TBC1D32: variants seen among roughly 807,000 people sequenced by gnomAD.
TBC1D32 encodes protein broad-minded.
In TBC1D32, 151 loss-of-function variants were observed where a neutral mutation model predicts 170.3. That is an observed-to-expected ratio of 0.89 (90% confidence interval 0.78 to 1.01). The LOEUF (loss-of-function observed/expected upper bound fraction) is 1.01, where lower values mean the gene tolerates loss of function less well. TBC1D32 is among the 50% of genes least tolerant of loss of function. The pLI is 0.00. For missense variants in TBC1D32, 1,464 were observed against 1,457.1 expected (o/e 1.00, Z -0.08); for synonymous variants, 498 against 488.0 (o/e 1.02, Z -0.27).
intron 31 of TBC1D32, among the ~76,000 whole-genome samples, chr6:121,088,961 C>CT (rs1776529527): frequency 6.6e-6 from 1 of 152,124 alleles, no homozygotes; most frequent in African/African-American, 2.4e-5. Context: ...TTTGCAAACT[C>CT]TATTATAATT....
At chr6:121,133,995 A>G (rs561586532) in intron 24 of TBC1D32, among the ~76,000 whole-genome samples, 1 of 150,928 alleles carries the variant, frequency 6.6e-6, no homozygotes, top group South Asian at 2.1e-4. Context: ...ATTGCTAACA[A>G]AAAAGTTTTA....
chr6:121,183,707 T>C (rs1418015325), intron 22 of TBC1D32, among the ~76,000 whole-genome samples: 4 of 152,048 alleles, frequency 2.6e-5, no homozygotes, highest in Non-Finnish European at 4.4e-5. Context: ...TACAGAAATC[T>C]CTAAAATATA....
At position 121,105,886 on chromosome 6, in the gene TBC1D32, G is replaced by A. The variant is rs933758148; in HGVS notation, c.3465+137C>T. 5.1e-6 allele frequency: 5 copies of A among 973,980 alleles called. No homozygotes were observed. In the African/African-American group the frequency reaches 6.6e-5, roughly 13 times the overall value. 60.3% of individuals were successfully genotyped at this position (973,980 alleles called of 1,614,324 possible). A position where few individuals can be genotyped will look rare whatever the true frequency, so the allele number is the denominator to read the frequency against. On this transcript the variant is annotated intron_variant, in intron 30 of 31. Coordinates refer to ENST00000398212, the MANE Select transcript of TBC1D32 (RefSeq NM_152730.6). ...AGCAAACTTACATCATAACAGGCCT[G>A]GGGAGAAAAGCTAGCTTGAGGATTT...
intron 22 of TBC1D32, among the ~76,000 whole-genome samples, chr6:121,181,624 G>A (rs569690472): frequency 6.6e-6 from 1 of 151,752 alleles, no homozygotes; most frequent in East Asian, 1.9e-4. Flanking sequence ...CCCACTGCTG[G>A]GTATATATGC....
In TBC1D32 at chr6:121,279,085, C is replaced by G. The variant is rs775392418; in HGVS notation, c.1733+36G>C. On this transcript the variant is annotated intron_variant, in intron 15 of 31. Coordinates refer to ENST00000398212, the MANE Select transcript of TBC1D32 (RefSeq NM_152730.6). Reference sequence around the variant, plus strand: ...CAGCTTGTCAGAAAACCAAACTATACCTGGAATAATTATCCGGATTTAAAA... The same window carrying G: ...CAGCTTGTCAGAAAACCAAACTATAGCTGGAATAATTATCCGGATTTAAAA... The G allele has an allele frequency of 2.9e-5, 46 of 1,568,120 alleles. No homozygotes were observed. The Admixed American group carries it at 9.9e-4, about 34-fold the overall frequency.
intron 22 of TBC1D32, among the ~76,000 whole-genome samples, chr6:121,161,711 T>C (rs1583029937): frequency 6.6e-6 from 1 of 152,198 alleles, no homozygotes; most frequent in Admixed American, 6.5e-5. Flanking sequence ...AGTAATGGGA[T>C]TGCTGGGTCA....
chr6:121,130,017 A>G, intron 25 of TBC1D32: 1 of 393,888 alleles, frequency 2.5e-6, no homozygotes, highest in Non-Finnish European at 4.9e-6. Context: ...AGAAATCACA[A>G]AAACATATCC....
intron 29 of TBC1D32, among the ~76,000 whole-genome samples, chr6:121,110,416 A>G (rs966948583): frequency 2.0e-5 from 3 of 151,954 alleles, no homozygotes; most frequent in African/African-American, 7.3e-5. Context: ...AGATAAATAA[A>G]TATTAGGACT....
chr6:121,154,050 A>C (rs1784547840), intron 24 of TBC1D32, among the ~76,000 whole-genome samples: 1 of 151,212 alleles, frequency 6.6e-6, no homozygotes, highest in Non-Finnish European at 1.5e-5. Flanking sequence ...AAAAAAAAAA[A>C]AAAAACCTCC....
At chr6:121,175,729 T>C (rs1787676022) in intron 22 of TBC1D32, among the ~76,000 whole-genome samples, 1 of 152,144 alleles carries the variant, frequency 6.6e-6, no homozygotes, top group Admixed American at 6.6e-5. Context: ...GACAAATCTA[T>C]CTCAATACAA....
chr6:121,143,510 C>T (rs539231932), intron 24 of TBC1D32, among the ~76,000 whole-genome samples: 40 of 152,220 alleles, frequency 2.6e-4, no homozygotes, highest in Middle Eastern at 3.4e-3. Context: ...AGCTGGGAGA[C>T]AAATGAAGAG....
intron 15 of TBC1D32, among the ~76,000 whole-genome samples, chr6:121,262,421 G>A (rs1296377668): frequency 6.6e-6 from 1 of 151,840 alleles, no homozygotes; most frequent in East Asian, 1.9e-4. Context: ...CAGAGTAATA[G>A]CAGATATCTC....
chr6:121,207,757 C>T (rs967694256), intron 21 of TBC1D32, among the ~76,000 whole-genome samples: 1 of 152,146 alleles, frequency 6.6e-6, no homozygotes, highest in African/African-American at 2.4e-5. Flanking sequence ...CAATAACCTA[C>T]TAGGTCAGAC....
At position 121,278,158 on chromosome 6, in the gene TBC1D32, T is replaced by C. The variant is rs150177103; in HGVS notation, c.1733+963A>G. 8.5e-5 allele frequency among the ~76,000 whole-genome samples: 13 copies of C among 152,286 alleles called. No individual in the cohort carries two copies. The East Asian group carries it at 2.1e-3, about 25-fold the overall frequency. ...AGAAAACACCAGGCTAAAATTGGTT[T>C]GCTGGTGAATTTTATAAAATATTTT... On this transcript the variant is annotated intron_variant, in intron 15 of 31. Transcript: ENST00000398212.
chr6:121,223,262 G>A lies in TBC1D32; in HGVS notation c.2455C>T (p.Leu819Phe). 2 of 1,576,962 alleles carry A rather than the reference G, an allele frequency of 1.3e-6. No homozygotes were observed. Among genetic ancestry groups the A allele is most frequent in the Non-Finnish European group, 1.7e-6 (2 of 1,165,304 alleles). The change falls in exon 21 of 32, where the codon CTT (leucine) becomes TTT (phenylalanine). Residue 819 changes from leucine (L) to phenylalanine (F), a missense_variant. By Grantham distance (22) the Leu-to-Phe change is conservative. Coordinates refer to ENST00000398212, the MANE Select transcript of TBC1D32 (RefSeq NM_152730.6). ...QDLPNKTEYS[L>F]REVPTCVIDI... ...ATAACACATGTTGGGACTTCACGAA[G>A]AGAATATTCTGTTTTATTAGGAAGA...
chr6:121,321,371 T>C (rs1437945462), intron 2 of TBC1D32, among the ~76,000 whole-genome samples: 1 of 151,800 alleles, frequency 6.6e-6, no homozygotes, highest in Non-Finnish European at 1.5e-5. Flanking sequence ...AGGGAGAAAA[T>C]GATAAGAAAT....
At chr6:121,209,874 C>T (rs1031434448) in intron 21 of TBC1D32, among the ~76,000 whole-genome samples, 1 of 152,156 alleles carries the variant, frequency 6.6e-6, no homozygotes, top group East Asian at 1.9e-4. Context: ...GTTGTCCGTG[C>T]TTTTTCTGAA....
At chr6:121,305,028 T>C (rs939466689) in intron 5 of TBC1D32, among the ~76,000 whole-genome samples, 195 bp from the exon 6 acceptor site, 3 of 152,044 alleles carry the variant, frequency 2.0e-5, no homozygotes, top group Non-Finnish European at 2.9e-5. Context: ...AAAACTAATA[T>C]GTGAATCTAA....
At chr6:121,288,460 T>C (rs147633658) in intron 12 of TBC1D32, among the ~76,000 whole-genome samples, 2,881 of 152,174 alleles carry the variant, frequency 0.019, 103 homozygotes, top group African/African-American at 0.066. Flanking sequence ...CAGGAAGAAG[T>C]TGAATCTCTG....
Sources: gnomAD v4.1 joint callset for allele counts (sites outside exome capture counted in the v4.1 genomes callset) on GRCh38, gnomAD v4.1.1 for gene constraint, MANE v1.5 for transcripts, NCBI Gene and HGNC (gene_info 2026-07-23, HGNC 2026-07-21) for gene names.